NPSR1: variants seen among roughly 807,000 people sequenced by gnomAD.
NPSR1 encodes neuropeptide S receptor 1.
In NPSR1, 48 loss-of-function variants were observed where a neutral mutation model predicts 46.9. The ratio of observed to expected loss-of-function variants is 1.02; its 90% CI spans 0.81 to 1.30. The LOEUF is 1.30. Among genes scored for constraint, NPSR1 ranks in the 50% most tolerant of loss-of-function variants. NPSR1 has a pLI of 0.00. For missense variants in NPSR1, 450 were observed against 449.5 expected (o/e 1.00, Z -0.01); for synonymous variants, 176 against 168.1 (o/e 1.05, Z -0.36).
At chr7:34,869,830 G>A (rs1419477203) in intron 8 of NPSR1, among the ~76,000 whole-genome samples, 2 of 151,784 alleles carry the variant, frequency 1.3e-5, no homozygotes, top group African/African-American at 2.4e-5. Flanking sequence ...TGTGGGCACA[G>A]GTTTTTACCA....
chr7:34,763,008 G>T (rs747352609), intron 2 of NPSR1, among the ~76,000 whole-genome samples: 21 of 152,196 alleles, frequency 1.4e-4, no homozygotes, highest in Non-Finnish European at 2.4e-4. Context: ...TTTACACAGG[G>T]TGAATCCTAC....
chr7:34,765,880 G>A (rs1370691339), intron 2 of NPSR1, among the ~76,000 whole-genome samples: 1 of 152,136 alleles, frequency 6.6e-6, no homozygotes, highest in Non-Finnish European at 1.5e-5. Context: ...GATGGCAACA[G>A]TAGAGGGGAA....
intron 3 of NPSR1, among the ~76,000 whole-genome samples, chr7:34,799,535 C>G (rs903882852): frequency 1.1e-4 from 14 of 129,244 alleles, no homozygotes; most frequent in African/African-American, 3.1e-4. Flanking sequence ...TTGTCACCAC[C>G]AGGCCTGCCC....
intron 3 of NPSR1, among the ~76,000 whole-genome samples, chr7:34,790,845 A>G (rs1017212564): frequency 7.8e-6 from 1 of 128,964 alleles, no homozygotes; most frequent in Admixed American, 8.5e-5. Context: ...TGTTATATAT[A>G]TGTTATATGT....
At chr7:34,766,880 A>G (rs76011982) in intron 2 of NPSR1, among the ~76,000 whole-genome samples, 21,032 of 152,122 alleles carry the variant, frequency 0.14, 1,598 homozygotes, top group Non-Finnish European at 0.17. Context: ...GCCTATGATG[A>G]ATTTTTTAAA....
chr7:34,724,744 C>T (rs549140975), intron 2 of NPSR1, among the ~76,000 whole-genome samples: 2 of 152,186 alleles, frequency 1.3e-5, no homozygotes, highest in East Asian at 3.9e-4. Flanking sequence ...CTCACCTTAC[C>T]TGTTTTTAAA....
intron 2 of NPSR1, among the ~76,000 whole-genome samples, chr7:34,716,454 A>G (rs1243117725): frequency 6.6e-6 from 1 of 152,192 alleles, no homozygotes; most frequent in East Asian, 1.9e-4. Flanking sequence ...TTTCTGGTTC[A>G]AATCCTCGTT....
At chr7:34,665,621 T>C (rs556480353) in intron 1 of NPSR1, among the ~76,000 whole-genome samples, 1 of 152,270 alleles carries the variant, frequency 6.6e-6, no homozygotes, top group Non-Finnish European at 1.5e-5. Flanking sequence ...GGATATGCCT[T>C]TCTCACACCT....
chr7:34,763,180 T>A (rs1050069001), intron 2 of NPSR1, among the ~76,000 whole-genome samples: 1 of 152,210 alleles, frequency 6.6e-6, no homozygotes, highest in African/African-American at 2.4e-5. Context: ...AAGCTTACAA[T>A]CTAGCAGAGA....
chr7:34,727,275 T>C (rs1784204277), intron 2 of NPSR1, among the ~76,000 whole-genome samples: 1 of 152,178 alleles, frequency 6.6e-6, no homozygotes, highest in Admixed American at 6.5e-5. Flanking sequence ...CAAACACATG[T>C]GCAGCCTTTT....
Position 34,723,042 on chromosome 7 carries a change from G to A in NPSR1, c.280+38358G>A, listed in dbSNP as rs545854487. 3.9e-5 allele frequency among the ~76,000 whole-genome samples: 6 copies of A among 152,282 alleles called. No individual in the cohort carries two copies. In the South Asian group the frequency reaches 1.2e-3, roughly 32 times the overall value. Reference sequence around the variant, plus strand: ...AAATTCGAATAAACATTTTTAAAGGGAGAAGAAAGCACTGCTCCCTCTGGA... The same window carrying A: ...AAATTCGAATAAACATTTTTAAAGGAAGAAGAAAGCACTGCTCCCTCTGGA... On this transcript the variant is annotated intron_variant, in intron 2 of 8. Transcript: ENST00000360581.
chr7:34,799,024 A>G (rs1788338423), intron 3 of NPSR1, among the ~76,000 whole-genome samples: 1 of 152,164 alleles, frequency 6.6e-6, no homozygotes, highest in South Asian at 2.1e-4. Flanking sequence ...ATATTAATAA[A>G]CTAATCTTAG....
intron 2 of NPSR1, among the ~76,000 whole-genome samples, chr7:34,730,831 C>T (rs1385760243): frequency 6.6e-6 from 1 of 152,106 alleles, no homozygotes. Context: ...AGGCAGGAAC[C>T]ATGTCATCCT....
chr7:34,804,324 C>T lies in NPSR1; in HGVS notation c.385-7446C>T, dbSNP rs325457. Among the ~76,000 whole-genome samples the T allele has an allele frequency of 8.6e-3, 1,310 of 151,968 alleles. 17 individuals carry two copies. Among genetic ancestry groups the T allele is most frequent in the African/African-American group, 0.03 (1,264 of 41,468 alleles). ...ATCATGTATAGAAAGAATTATAGTC[C>T]GTGGCCAAGTGAGATTTATTCCAGG... On this transcript the variant is annotated intron_variant, in intron 3 of 8. Coordinates refer to ENST00000360581, the MANE Select transcript of NPSR1 (RefSeq NM_207172.2).
chr7:34,744,262 A>G lies in NPSR1; in HGVS notation c.281-34200A>G, dbSNP rs138999105. On this transcript the variant is annotated intron_variant, in intron 2 of 8. Transcript: ENST00000360581. ...TGCTTTTAGCATTAAAAAGATTTTT[A>G]TCTTACATTGATATCACTACAGGAT... Among the ~76,000 whole-genome samples, 9 of 152,302 alleles carry G rather than the reference A, an allele frequency of 5.9e-5. No homozygotes were observed. In the East Asian group the frequency reaches 1.4e-3, roughly 23 times the overall value.
At chr7:34,756,828 C>T (rs549102276) in intron 2 of NPSR1, among the ~76,000 whole-genome samples, 1 of 152,330 alleles carries the variant, frequency 6.6e-6, no homozygotes, top group South Asian at 2.1e-4. Flanking sequence ...AGCTTCATTT[C>T]TCTCTTGAGA....
intron 3 of NPSR1, among the ~76,000 whole-genome samples, chr7:34,801,589 A>G (rs1027248584): frequency 7.7e-5 from 11 of 142,610 alleles, no homozygotes; most frequent in African/African-American, 2.3e-4. Context: ...AGAGCTATCT[A>G]TGACAAACCC....
intron 8 of NPSR1, among the ~76,000 whole-genome samples, chr7:34,858,701 G>C (rs13309596): frequency 9.2e-5 from 14 of 151,768 alleles, no homozygotes; most frequent in Non-Finnish European, 1.9e-4. Context: ...CAAAGAGCAA[G>C]CTTATGCAAA....
chr7:34,853,203 A>G (rs1790974398), downstream of NPSR1, among the ~76,000 whole-genome samples: 1 of 152,214 alleles, frequency 6.6e-6, no homozygotes, highest in Non-Finnish European at 1.5e-5. Flanking sequence ...TCACAGTGTC[A>G]ATCAGAAAAG....
Sources: allele counts gnomAD v4.1 joint callset (sites outside exome capture counted in the v4.1 genomes callset), GRCh38; gene constraint gnomAD v4.1.1; transcripts MANE v1.5; gene names NCBI Gene and HGNC (gene_info 2026-07-23, HGNC 2026-07-21).